The following TIAM2 variants were observed in gnomAD, a reference collection of about 807,000 sequenced individuals.
TIAM2 encodes the protein TIAM Rac1 associated GEF 2.
TIAM2 carries 80 observed loss-of-function variants against 152.9 expected under a neutral mutation model. The observed-to-expected ratio is 0.52, with a 90% CI of 0.44 to 0.63. The LOEUF is 0.63. Ranked by LOEUF, TIAM2 falls within the 30% of genes least tolerant of loss-of-function variation. The pLI, the probability that TIAM2 is intolerant of heterozygous loss-of-function variation, is 0.00. For synonymous variants in TIAM2, 804 were observed against 838.0 expected, an observed-to-expected ratio of 0.96 and a Z score of 0.70; for missense variants, 1,965 against 2,120.1, an observed-to-expected ratio of 0.93 and a Z score of 1.44.
At position 155,148,293 on chromosome 6, in the gene TIAM2, G is replaced by A. The variant is rs181691607; in HGVS notation, c.1987G>A (p.Val663Met). The change falls in exon 7 of 27, where the codon GTG (valine) becomes ATG (methionine). Residue 663 changes from valine to methionine, a missense_variant. By Grantham distance (21) the Val-to-Met change is conservative. Around this residue, in one of 3 missense-constraint regions of TIAM2, gnomAD observed 1,025 missense variants for 1,119.4 expected, o/e 0.92. Transcript: ENST00000682666. ...GAAGATGGCAGAGCTGCAGCTGTCC[G>A]TGGTGAGCGACCCAAAGAACAGGAA... Reference protein sequence around the residue: ...MKKMAELQLSVVSDPKNRKAI... With the variant: ...MKKMAELQLSMVSDPKNRKAI... The A allele has an allele frequency of 3.0e-4, 487 of 1,612,202 alleles. No individual in the cohort carries two copies. The highest frequency in any genetic ancestry group is 1.6e-3 in the Middle Eastern group (7 of 4,512).
At chr6:155,038,150 A>G (rs960312626) in intron 1 of TIAM2, among the ~76,000 whole-genome samples, 1 of 152,220 alleles carries the variant, frequency 6.6e-6, no homozygotes, top group Non-Finnish European at 1.5e-5. Context: ...TGAACACACC[A>G]TGTAATGAGG....
chr6:155,223,981 A>C (rs2115248948), intron 15 of TIAM2, among the ~76,000 whole-genome samples: 1 of 152,254 alleles, frequency 6.6e-6, no homozygotes, highest in South Asian at 2.1e-4. Context: ...CCGATCTTTA[A>C]TATTTACCCA....
chr6:155,106,065 C>T (rs953714139), intron 2 of TIAM2, among the ~76,000 whole-genome samples: 5 of 150,432 alleles, frequency 3.3e-5, no homozygotes, highest in African/African-American at 7.4e-5. Context: ...AGTGCAGTGG[C>T]GTGATCTCGG....
chr6:155,202,556 C>A (rs1048000901), intron 14 of TIAM2, among the ~76,000 whole-genome samples: 4 of 151,162 alleles, frequency 2.6e-5, no homozygotes, highest in Non-Finnish European at 5.9e-5. Context: ...GTGGCTGGGA[C>A]TACAGGTGTG....
chr6:155,078,347 C>T (rs938229378), intron 1 of TIAM2, among the ~76,000 whole-genome samples: 3 of 152,096 alleles, frequency 2.0e-5, no homozygotes, highest in African/African-American at 4.8e-5. Flanking sequence ...CGCCCAGCCT[C>T]GAGTTCACTT....
At chr6:155,079,365 G>A (rs9397775) in intron 1 of TIAM2, among the ~76,000 whole-genome samples, 97 of 152,144 alleles carry the variant, frequency 6.4e-4, no homozygotes, top group Middle Eastern at 6.8e-3. Flanking sequence ...CCTGGACCCA[G>A]ATGGCCAGTT....
rs189607483 is a variant in TIAM2 at position 155,122,597 on chromosome 6, C to T, written c.-117-4893C>T. Among the ~76,000 whole-genome samples, 11 of 151,460 alleles carry T rather than the reference C, an allele frequency of 7.3e-5. No homozygotes were observed. The East Asian group carries it at 2.1e-3, about 29-fold the overall frequency. The stretch of plus-strand genomic sequence containing the variant: ...AATTCCAATATTTATTATAATTGTC[C>T]CGTAAATAAAAAATAATTATAAAAA... On this transcript the variant is annotated intron_variant, in intron 2 of 26. Coordinates refer to ENST00000682666, the MANE Select transcript of TIAM2 (RefSeq NM_012454.4).
intron 15 of TIAM2, among the ~76,000 whole-genome samples, chr6:155,222,532 C>T (rs945176682): frequency 6.0e-5 from 9 of 150,934 alleles, no homozygotes; most frequent in African/African-American, 7.3e-5. Context: ...GCCCAGGAGG[C>T]AGAGGTTGCA....
chr6:155,066,718 G>T (rs564254927), intron 1 of TIAM2, among the ~76,000 whole-genome samples: 1 of 152,126 alleles, frequency 6.6e-6, no homozygotes, highest in South Asian at 2.1e-4. Flanking sequence ...ATAGCTAACT[G>T]CTATGTTGAA....
chr6:155,220,210 C>T (rs1456636742), intron 15 of TIAM2, among the ~76,000 whole-genome samples: 1 of 152,254 alleles, frequency 6.6e-6, no homozygotes, highest in Admixed American at 6.5e-5. Context: ...CCTGATGAGT[C>T]CTCAGCTGGC....
intron 16 of TIAM2, 30 bp downstream of exon 16, chr6:155,240,739 G>T: frequency 1.3e-6 from 2 of 1,587,834 alleles, no homozygotes; most frequent in Non-Finnish European, 1.7e-6. Flanking sequence ...TTATGCATTC[G>T]TGCCTCTTTG....
At chr6:155,252,558 T>C (rs1783729527) in intron 23 of TIAM2, among the ~76,000 whole-genome samples, 1 of 152,232 alleles carries the variant, frequency 6.6e-6, no homozygotes, top group African/African-American at 2.4e-5. Context: ...AAATGGCCCA[T>C]GTTTGTTCCA....
intron 2 of TIAM2, among the ~76,000 whole-genome samples, chr6:155,106,053 G>A (rs1778680923): frequency 6.7e-6 from 1 of 148,986 alleles, no homozygotes. Flanking sequence ...ATCCCAGGCT[G>A]GAGTGCAGTG....
In TIAM2 at chr6:155,256,870, C is replaced by T. The variant is rs760347536; in HGVS notation, c.4855C>T (p.Gln1619Ter). Reference protein sequence around the residue: ...QQPGPESGEGQKGGEQPKLVR... With the variant: ...QQPGPESGEG ...GCCTGGCCCGGAGTCGGGTGAGGGT[C>T]AGAAAGGAGGAGAGCAGCCCAAACT... Residue 1619 changes from glutamine to a stop codon, truncating the protein, a stop_gained, in exon 27 of 27, where the codon CAG becomes TAG. Transcript: ENST00000682666. LOFTEE classifies it high-confidence loss of function. The T allele has an allele frequency of 5.6e-6, 9 of 1,614,060 alleles. No homozygotes were observed.
Position 155,129,705 on chromosome 6 carries a change from T to C in TIAM2, c.482T>C (p.Val161Ala). 1 of 1,613,960 alleles carries C rather than the reference T, an allele frequency of 6.2e-7. No individual in the cohort carries two copies. The highest frequency in any genetic ancestry group is 1.1e-5 in the South Asian group (1 of 91,076). ...GGCGAAGACCGCAAGAGCCCCCGAG[T>C]GCTCATCAAAACGCTGGGGAAGCTG... The part of the protein sequence containing the change: ...PPGEDRKSPR[V>A]LIKTLGKLDG... The change falls in exon 4 of 27, where the codon GTG becomes GCG. Residue 161 changes from valine to alanine, a missense_variant. By Grantham distance (64) the Val-to-Ala change is moderately conservative. Transcript: ENST00000682666. The surrounding 1 kb of genome is among the most constrained non-coding windows in gnomAD (Gnocchi z 4.8).
intron 2 of TIAM2, among the ~76,000 whole-genome samples, chr6:155,112,065 C>T (rs192108415): frequency 5.9e-4 from 89 of 151,416 alleles, no homozygotes; most frequent in Non-Finnish European, 4.4e-5. Flanking sequence ...GTTGCTCAGT[C>T]TTCTCCCTGA....
chr6:155,024,723 C>G lies in TIAM2; in HGVS notation c.-209+29231C>G, dbSNP rs1241436053. Among the ~76,000 whole-genome samples the G allele has an allele frequency of 2.0e-5, 3 of 151,352 alleles. 1 individual carries two copies. Among genetic ancestry groups the G allele is most frequent in the Non-Finnish European group, 4.4e-5 (3 of 67,936 alleles). On this transcript the variant is annotated intron_variant, in intron 1 of 26. Coordinates refer to ENST00000682666, the MANE Select transcript of TIAM2 (RefSeq NM_012454.4). ...AAAAGTAAATGAAATCATAGGAGAG[C>G]CAAGAAAGGATTTCATTTTACTGAG...
intron 7 of TIAM2, among the ~76,000 whole-genome samples, chr6:155,159,456 G>A (rs937914898): frequency 1.3e-5 from 2 of 152,120 alleles, no homozygotes; most frequent in Admixed American, 6.5e-5. Flanking sequence ...CATCAGAATC[G>A]GCTTTGGGTC....
At chr6:155,229,646 CT>C (rs1274654115) in intron 15 of TIAM2, among the ~76,000 whole-genome samples, 1 of 152,214 alleles carries the variant, frequency 6.6e-6, no homozygotes, top group African/African-American at 2.4e-5. Context: ...TTCTGAGGCC[CT>C]TGGTGTGAGT....
Sources: allele counts gnomAD v4.1 joint callset (sites outside exome capture counted in the v4.1 genomes callset), GRCh38; gene constraint gnomAD v4.1.1; regional missense constraint gnomAD v4.1.1; non-coding constraint Gnocchi (gnomAD v3.1); transcripts MANE v1.5; gene names NCBI Gene and HGNC (gene_info 2026-07-23, HGNC 2026-07-21).